The following TRIP12 variants were observed in gnomAD, a reference collection of about 807,000 sequenced individuals.
TRIP12 encodes thyroid hormone receptor interactor 12.
A neutral mutation model predicts 244.2 loss-of-function variants in TRIP12; 25 were observed. The observed-to-expected ratio is 0.10, with a 90% CI of 0.07 to 0.14. TRIP12 has a LOEUF of 0.14. TRIP12 is among the 10% of genes least tolerant of loss of function. TRIP12 has a pLI of 1.00. For missense variants in TRIP12, 1,677 were observed against 2,486.4 expected (o/e 0.67, Z 6.92); for synonymous variants, 905 against 873.1 (o/e 1.04, Z -0.64).
chr2:229,887,813 T>C (rs187331553), intron 1 of TRIP12, among the ~76,000 whole-genome samples: 1 of 151,236 alleles, frequency 6.6e-6, no homozygotes, highest in African/African-American at 2.5e-5. Context: ...TGCAAGAGCA[T>C]CATATTTTAA....
At chr2:229,893,845 T>C (rs966492305) in intron 1 of TRIP12, among the ~76,000 whole-genome samples, 3 of 152,176 alleles carry the variant, frequency 2.0e-5, no homozygotes, top group Non-Finnish European at 4.4e-5. Context: ...GCTGTGAGTA[T>C]AGGTGTGTGC....
chr2:229,861,070 A>G (rs886326927), intron 2 of TRIP12, among the ~76,000 whole-genome samples: 1 of 152,212 alleles, frequency 6.6e-6, no homozygotes, highest in Non-Finnish European at 1.5e-5. Flanking sequence ...TTCAAGCACT[A>G]AACAATAAAT....
At chr2:229,863,597 T>C (rs2060837690) in intron 2 of TRIP12, among the ~76,000 whole-genome samples, 2 of 152,206 alleles carry the variant, frequency 1.3e-5, no homozygotes, top group Admixed American at 1.3e-4. Context: ...TAACAAGGAA[T>C]AGACAACCAG....
intron 1 of TRIP12, among the ~76,000 whole-genome samples, chr2:229,909,029 G>A (rs1172393360): frequency 3.5e-5 from 5 of 143,366 alleles, no homozygotes; most frequent in Admixed American, 1.4e-4. Context: ...GGCAGAGGTT[G>A]CACTGAGCTG....
At chr2:229,900,815 C>A (rs1361718812) in intron 1 of TRIP12, 1 of 151,200 alleles carries the variant, frequency 6.6e-6, no homozygotes, top group Non-Finnish European at 1.5e-5. Flanking sequence ...TGAGCTGAGA[C>A]CGCGCCACTG....
At position 229,858,824 on chromosome 2, in the gene TRIP12, A is replaced by T; in HGVS notation, c.975T>A (p.Ser325=). 6.2e-7 allele frequency: 1 copy of T among 1,613,054 alleles called. No individual in the cohort carries two copies. The highest frequency in any genetic ancestry group is 8.5e-7 in the Non-Finnish European group (1 of 1,179,146). ...GTCCAGGTTTTGATGTCTCTGACTT[A>T]GAAGACCCTGGAAGAGACAGTTTTG... ...PKTKLSLPGS[S]KSETSKPGPS... The change falls in exon 4 of 42, where the codon TCT becomes TCA. Residue 325 remains serine (S), a synonymous_variant. Transcript: ENST00000675903.
chr2:229,793,015 G>A lies in TRIP12; in HGVS notation c.4099C>T (p.Leu1367=). The A allele has an allele frequency of 6.2e-7, 1 of 1,613,840 alleles. No homozygotes were observed. The highest frequency in any genetic ancestry group is 1.1e-5 in the South Asian group (1 of 91,048). ...WKGGPVKIDP[L]ALVQAIERYL... ...CTCTCGATGGCTTGTACCAAAGCCA[G>A]AGGGTCAATCTTGACAGGTCCACCC... The change falls in exon 27 of 42, where the codon CTG becomes TTG. Residue 1367 remains leucine (L), a synonymous_variant. Coordinates refer to ENST00000675903, the MANE Select transcript of TRIP12 (RefSeq NM_001348323.3).
In TRIP12 at chr2:229,777,878, G is replaced by C. The variant is rs1244180317; in HGVS notation, c.5365-399C>G. On this transcript the variant is annotated intron_variant, in intron 36 of 41. Coordinates refer to ENST00000675903, the MANE Select transcript of TRIP12 (RefSeq NM_001348323.3). ...TGATAAAGTGCCTCCGAAAACATGAGAAGAGCACGGTGGCTCATGCCTGTA... is the reference window on the plus strand; with the variant it reads ...TGATAAAGTGCCTCCGAAAACATGACAAGAGCACGGTGGCTCATGCCTGTA... Among the ~76,000 whole-genome samples, 43 of 152,178 alleles carry C rather than the reference G, an allele frequency of 2.8e-4. 1 individual carries two copies. Among genetic ancestry groups the C allele is most frequent in the Admixed American group, 2.8e-3 (43 of 15,274 alleles).
intron 4 of TRIP12, among the ~76,000 whole-genome samples, chr2:229,855,081 T>C (rs546425443): frequency 1.3e-5 from 2 of 152,124 alleles, no homozygotes; most frequent in African/African-American, 4.8e-5. Flanking sequence ...CTGGCCAACA[T>C]GGTGAAACCC....
intron 1 of TRIP12, among the ~76,000 whole-genome samples, chr2:229,892,179 G>A (rs552891226): frequency 2.0e-5 from 3 of 152,142 alleles, no homozygotes; most frequent in South Asian, 4.1e-4. Context: ...AGTGAAATAG[G>A]AGAAAAATAG....
chr2:229,891,413 A>C (rs899928223), intron 1 of TRIP12, among the ~76,000 whole-genome samples: 1 of 152,066 alleles, frequency 6.6e-6, no homozygotes, highest in Non-Finnish European at 1.5e-5. Flanking sequence ...CGACAGAGCG[A>C]AACTGTCTCA....
At chr2:229,829,728 C>T (rs2052778260) in intron 7 of TRIP12, among the ~76,000 whole-genome samples, 1 of 152,198 alleles carries the variant, frequency 6.6e-6, no homozygotes. Flanking sequence ...ACGGGAGGAT[C>T]ACCTGAGGTC....
chr2:229,797,564 T>A, intron 24 of TRIP12, 126 bp downstream of exon 24: 4 of 1,124,412 alleles, frequency 3.6e-6, no homozygotes, highest in East Asian at 2.5e-5. Context: ...CAAGGGTGTA[T>A]ATAAGGTAAA....
intron 15 of TRIP12, among the ~76,000 whole-genome samples, chr2:229,808,633 T>C (rs1000342490): frequency 6.6e-6 from 1 of 152,202 alleles, no homozygotes; most frequent in Non-Finnish European, 1.5e-5. Context: ...TTCTCACCCC[T>C]GAGACTTCAG....
intron 26 of TRIP12, 78 bp downstream of exon 26, chr2:229,795,101 G>C: frequency 6.6e-7 from 1 of 1,519,028 alleles, no homozygotes; most frequent in Non-Finnish European, 8.9e-7. Context: ...GACTTTACCA[G>C]ACCTCTTGCC....
intron 27 of TRIP12, 67 bp from the exon 28 acceptor site, chr2:229,792,293 A>G: frequency 7.2e-7 from 1 of 1,393,030 alleles, no homozygotes; most frequent in Non-Finnish European, 1.0e-6. Context: ...AATCCTGTAT[A>G]CACACTGGTT....
chr2:229,865,837 T>C (rs757683203), intron 2 of TRIP12, among the ~76,000 whole-genome samples: 2 of 152,228 alleles, frequency 1.3e-5, no homozygotes, highest in African/African-American at 2.4e-5. Context: ...CGCACTGTTT[T>C]TCTATTTCTA....
intron 18 of TRIP12, among the ~76,000 whole-genome samples, chr2:229,805,228 C>CAACAACAACAAT (rs1553624683): frequency 2.0e-5 from 3 of 151,902 alleles, no homozygotes; most frequent in African/African-American, 7.3e-5. Flanking sequence ...TTCAAAACAA[C>CAACAACAACAAT]AACAACAACA....
chr2:229,808,303 T>C lies in TRIP12; in HGVS notation c.2288A>G (p.Asp763Gly). 1 of 1,613,912 alleles carries C rather than the reference T, an allele frequency of 6.2e-7. No homozygotes were observed. Among genetic ancestry groups the C allele is most frequent in the Non-Finnish European group, 8.5e-7 (1 of 1,179,982 alleles). Residue 763 changes from aspartate (D) to glycine (G), a missense_variant, in exon 16 of 42, where the codon GAT (aspartate) becomes GGT (glycine). Asp to Gly is a moderately conservative substitution (Grantham distance 94, BLOSUM62 -1). Coordinates refer to ENST00000675903, the MANE Select transcript of TRIP12 (RefSeq NM_001348323.3). ...ASNGSCQEQI[D>G]LVPRSPQELY... ...CTCTTGAGGGCTTCGTGGAACAAGA[T>C]CAATCTGTTCCTGACAACTTCCATT...
Sources: allele counts gnomAD v4.1 joint callset (sites outside exome capture counted in the v4.1 genomes callset), GRCh38; gene constraint gnomAD v4.1.1; transcripts MANE v1.5; gene names NCBI Gene and HGNC (gene_info 2026-07-23, HGNC 2026-07-21).